DMD: variants seen among roughly 807,000 people sequenced by gnomAD.
DMD encodes the protein dystrophin.
In DMD, 63 loss-of-function variants were observed where a neutral mutation model predicts 330.1. That is an observed-to-expected ratio of 0.19 (90% CI 0.16 to 0.24). The LOEUF is 0.24. DMD is among the 10% of genes least tolerant of loss of function. DMD has a pLI of 1.00. For synonymous variants in DMD, 1,223 were observed against 959.8 expected, an observed-to-expected ratio of 1.27 and a Z score of -5.07; for missense variants, 3,344 against 2,684.1, an observed-to-expected ratio of 1.25 and a Z score of -5.43.
At chrX:32,930,275 C>G (rs532436666) in intron 2 of DMD, among the ~76,000 whole-genome samples, 11 of 111,041 alleles carry the variant, frequency 9.9e-5, no homozygotes, top group Middle Eastern at 4.7e-3. Context: ...ATCACTTTCG[C>G]ACCATCCTAA....
At chrX:32,370,546 A>T (rs1325916933) in intron 34 of DMD, among the ~76,000 whole-genome samples, 1 of 111,167 alleles carries the variant, frequency 9.0e-6, no homozygotes, top group Non-Finnish European at 1.9e-5. Context: ...AGCTCTAACT[A>T]TAATGACAGT....
intron 33 of DMD, among the ~76,000 whole-genome samples, chrX:32,381,756 C>T (rs1246678564): frequency 9.0e-6 from 1 of 110,741 alleles, no homozygotes; most frequent in Admixed American, 9.7e-5. Flanking sequence ...ACAAGTTGCT[C>T]CTGGTTTTCT....
chrX:32,985,221 C>A (rs1419775067), intron 2 of DMD, among the ~76,000 whole-genome samples: 1 of 111,307 alleles, frequency 9.0e-6, no homozygotes, highest in African/African-American at 3.2e-5. Flanking sequence ...TGCATACACA[C>A]ATGCACAGCT....
intron 51 of DMD, among the ~76,000 whole-genome samples, chrX:31,755,536 A>T (rs912164040): frequency 9.0e-6 from 1 of 111,434 alleles, no homozygotes; most frequent in Non-Finnish European, 1.9e-5. Flanking sequence ...CTATTATACT[A>T]AAGTTTTGCT....
At chrX:32,823,231 A>G in intron 5 of DMD, 64 bp downstream of exon 5, 1 of 925,377 alleles carries the variant, frequency 1.1e-6, no homozygotes. Flanking sequence ...TCACACGTCA[A>G]GGGTAAAAAT....
At chrX:32,526,274 T>G (rs1451597335) in intron 17 of DMD, among the ~76,000 whole-genome samples, 1 of 112,188 alleles carries the variant, frequency 8.9e-6, no homozygotes, top group African/African-American at 3.2e-5. Context: ...CTGTCCTCTA[T>G]TCTTCAAGTA....
At chrX:32,665,930 T>A (rs184049651) in intron 9 of DMD, among the ~76,000 whole-genome samples, 2 of 111,705 alleles carry the variant, frequency 1.8e-5, no homozygotes, top group East Asian at 5.6e-4. Context: ...GAATGATCTA[T>A]GGAAGATGAG....
intron 44 of DMD, among the ~76,000 whole-genome samples, chrX:32,156,631 TACACACACACACACACAC>T (rs747490085): frequency 2.1e-5 from 2 of 94,055 alleles, no homozygotes; most frequent in Non-Finnish European, 4.3e-5. Flanking sequence ...GACAAAAGGA[TACACACACACACACACAC>T]ACACACACAC....
intron 13 of DMD, among the ~76,000 whole-genome samples, chrX:32,589,104 G>C (rs1471841384): frequency 3.6e-5 from 4 of 111,553 alleles, no homozygotes; most frequent in Non-Finnish European, 7.5e-5. Context: ...AAAAACCATA[G>C]AGAAAGTGCC....
At chrX:32,458,136 T>C (rs901607452) in intron 25 of DMD, among the ~76,000 whole-genome samples, 2 of 110,721 alleles carry the variant, frequency 1.8e-5, no homozygotes, top group Non-Finnish European at 3.8e-5. Flanking sequence ...TTAAACAACT[T>C]TTCTAGAATC....
intron 29 of DMD, among the ~76,000 whole-genome samples, chrX:32,421,465 A>G (rs1394763585): frequency 9.0e-6 from 1 of 111,433 alleles, no homozygotes; most frequent in Admixed American, 9.6e-5. Context: ...CTGCTTTCGA[A>G]ACATTCTGTA....
At chrX:32,846,747 A>AG (rs2080716829) in intron 3 of DMD, among the ~76,000 whole-genome samples, 3 of 74,172 alleles carry the variant, frequency 4.0e-5, no homozygotes, top group African/African-American at 1.4e-4. Context: ...AAAAAAAAAA[A>AG]GCAACAGCCA....
intron 47 of DMD, among the ~76,000 whole-genome samples, chrX:31,896,342 C>A (rs920659409): frequency 1.2e-4 from 13 of 111,613 alleles, no homozygotes; most frequent in African/African-American, 4.2e-4. Flanking sequence ...GATGCTCTCA[C>A]ATGAAGAGGT....
intron 44 of DMD, among the ~76,000 whole-genome samples, chrX:32,041,720 A>G (rs1225652800): frequency 9.1e-6 from 1 of 110,203 alleles, no homozygotes; most frequent in African/African-American, 3.3e-5. Context: ...CACTACATTC[A>G]TCATTGTCTC....
chrX:31,868,634 C>T (rs763988069), intron 48 of DMD, among the ~76,000 whole-genome samples: 45 of 111,601 alleles, frequency 4.0e-4, no homozygotes, highest in African/African-American at 1.3e-3. Context: ...AAAACTGTCC[C>T]GGTACCTGGC....
chrX:31,288,904 C>T (rs182895108), intron 62 of DMD, among the ~76,000 whole-genome samples: 146 of 111,427 alleles, frequency 1.3e-3, no homozygotes, highest in African/African-American at 4.5e-3. Context: ...AATCCAAAAT[C>T]TTATTTTTAG....
chrX:32,278,493 C>T (rs765752208), intron 43 of DMD, among the ~76,000 whole-genome samples: 1 of 111,032 alleles, frequency 9.0e-6, no homozygotes, highest in South Asian at 3.8e-4. Flanking sequence ...TGACAAAGGG[C>T]TAATATCCAG....
At chrX:32,086,238 A>G (rs1468653607) in intron 44 of DMD, among the ~76,000 whole-genome samples, 1 of 112,026 alleles carries the variant, frequency 8.9e-6, no homozygotes, top group Non-Finnish European at 1.9e-5. Context: ...TGCTGATTAC[A>G]TGACTGGCTT....
intron 2 of DMD, among the ~76,000 whole-genome samples, chrX:32,957,613 T>C (rs1027480550): frequency 9.0e-6 from 1 of 111,728 alleles, no homozygotes; most frequent in Non-Finnish European, 1.9e-5. Flanking sequence ...CCTTTGAGTA[T>C]TTATTCTTTC....
Sources: gnomAD v4.1 joint callset for allele counts (sites outside exome capture counted in the v4.1 genomes callset) on GRCh38, gnomAD v4.1.1 for gene constraint, MANE v1.5 for transcripts, NCBI Gene and HGNC (gene_info 2026-07-23, HGNC 2026-07-21) for gene names.